Variants in PARD3B observed in about 807,000 individuals in gnomAD.
The protein encoded by PARD3B is partitioning defective 3 homolog B.
In PARD3B, 103 loss-of-function variants were observed where a neutral mutation model predicts 130.2. The observed-to-expected ratio is 0.79, with a 90% CI of 0.67 to 0.93. The LOEUF (loss-of-function observed/expected upper bound fraction) is 0.93. PARD3B is among the 40% of genes least tolerant of loss of function. The pLI is 0.00. For synonymous variants in PARD3B, 583 were observed against 553.2 expected (o/e 1.05, Z -0.76); for missense variants, 1,609 against 1,499.2 (o/e 1.07, Z -1.21).
intron 5 of PARD3B, among the ~76,000 whole-genome samples, chr2:205,110,558 A>G (rs540646708): frequency 1.3e-5 from 2 of 152,024 alleles, no homozygotes; most frequent in African/African-American, 4.8e-5. Flanking sequence ...TGATCTTAGT[A>G]AAATTTTCCC....
At chr2:205,512,032 A>T (rs2050607206) in intron 21 of PARD3B, among the ~76,000 whole-genome samples, 1 of 152,214 alleles carries the variant, frequency 6.6e-6, no homozygotes, top group South Asian at 2.1e-4. Flanking sequence ...CTTACCTCTG[A>T]AAGGAAGACA....
chr2:205,392,047 GCTTTA>G (rs1052918868), intron 18 of PARD3B, among the ~76,000 whole-genome samples: 9 of 152,086 alleles, frequency 5.9e-5, no homozygotes, highest in South Asian at 2.1e-4. Flanking sequence ...GGTGATCTGT[GCTTTA>G]CTTTACTTTC....
intron 3 of PARD3B, among the ~76,000 whole-genome samples, chr2:205,032,756 T>A (rs190301995): frequency 6.6e-4 from 101 of 152,300 alleles, no homozygotes; most frequent in African/African-American, 2.3e-3. Context: ...CTTTTTAGTG[T>A]TCTTAGAGAT....
chr2:204,799,198 C>T lies in PARD3B; in HGVS notation c.222+112916C>T, dbSNP rs1176318466. On this transcript the variant is annotated intron_variant, in intron 2 of 22. Coordinates refer to ENST00000406610, the MANE Select transcript of PARD3B (RefSeq NM_001302769.2). The surrounding 1 kb of genome is among the most constrained non-coding windows in gnomAD (Gnocchi z 4.1). ...TTCACCACAAGCTGCCTGAAAAGCC[C>T]ATGGGCCTCGAGGGAACATCTGCAG... Among the ~76,000 whole-genome samples, 1 of 152,012 alleles carries T rather than the reference C, an allele frequency of 6.6e-6. No individual in the cohort carries two copies. Among genetic ancestry groups the T allele is most frequent in the Non-Finnish European group, 1.5e-5 (1 of 67,996 alleles).
intron 18 of PARD3B, among the ~76,000 whole-genome samples, chr2:205,334,056 T>C (rs79086275): frequency 2.0e-5 from 3 of 152,290 alleles, no homozygotes; most frequent in Non-Finnish European, 4.4e-5. Flanking sequence ...GCAACAGTGA[T>C]TGGAGAATGA....
At chr2:205,064,923 C>T (rs958380329) in intron 4 of PARD3B, among the ~76,000 whole-genome samples, 8 of 152,156 alleles carry the variant, frequency 5.3e-5, no homozygotes, top group African/African-American at 1.9e-4. Context: ...CCCCTTCCCT[C>T]AGAAACACCA....
chr2:205,344,926 C>T (rs1456646036), intron 18 of PARD3B, among the ~76,000 whole-genome samples: 1 of 152,096 alleles, frequency 6.6e-6, no homozygotes, highest in Non-Finnish European at 1.5e-5. Context: ...TTAACTCTTC[C>T]TCCCCCTTCA....
chr2:204,966,177 C>A (rs1390846305), intron 3 of PARD3B, among the ~76,000 whole-genome samples: 1 of 152,172 alleles, frequency 6.6e-6, no homozygotes, highest in Non-Finnish European at 1.5e-5. Context: ...GTACATAGTA[C>A]TCATTTTCCC....
intron 21 of PARD3B, among the ~76,000 whole-genome samples, chr2:205,505,149 C>T (rs745967925): frequency 6.6e-6 from 1 of 151,376 alleles, no homozygotes; most frequent in Non-Finnish European, 1.5e-5. Flanking sequence ...GACAGAAAAC[C>T]AAACACCGCA....
At chr2:204,680,460 G>A (rs1384767100) in intron 1 of PARD3B, among the ~76,000 whole-genome samples, 1 of 151,816 alleles carries the variant, frequency 6.6e-6, no homozygotes, top group Non-Finnish European at 1.5e-5. Context: ...TTTCTTGATT[G>A]GTTCTGCTAT....
rs1696097908 is a variant in PARD3B, at chr2:205,015,733, T to G, written c.395-31848T>G. Among the ~76,000 whole-genome samples the G allele has an allele frequency of 6.6e-6, 1 of 152,236 alleles. No homozygotes were observed. Among genetic ancestry groups the G allele is most frequent in the Non-Finnish European group, 1.5e-5 (1 of 68,040 alleles). ...ATCTTGTGCAGTGGGGTTTCTTTCTTACTTAGTTTTGAACAATTGGCCCTA... is the reference window on the plus strand; with the variant it reads ...ATCTTGTGCAGTGGGGTTTCTTTCTGACTTAGTTTTGAACAATTGGCCCTA... On this transcript the variant is annotated intron_variant, in intron 3 of 22. Transcript: ENST00000406610. The surrounding 1 kb of genome is among the most constrained non-coding windows in gnomAD (Gnocchi z 4.5).
intron 4 of PARD3B, among the ~76,000 whole-genome samples, chr2:205,082,529 C>T (rs900576952): frequency 4.6e-5 from 7 of 152,184 alleles, no homozygotes; most frequent in African/African-American, 1.4e-4. Flanking sequence ...AAACTGATAA[C>T]GCAGAAAGCA....
At chr2:204,616,331 CA>C (rs1413024309) in intron 1 of PARD3B, among the ~76,000 whole-genome samples, 10 of 152,228 alleles carry the variant, frequency 6.6e-5, no homozygotes, top group African/African-American at 2.4e-4. Flanking sequence ...GACACCTCAA[CA>C]AAGAGGTACA....
intron 22 of PARD3B, 93 bp downstream of exon 22, chr2:205,553,496 G>A (rs1056416204): frequency 7.7e-7 from 1 of 1,295,330 alleles, no homozygotes; most frequent in Non-Finnish European, 1.1e-6. Flanking sequence ...CTTTGAAATA[G>A]GGAATATGTT....
In PARD3B at chr2:204,894,775, G is replaced by GT. The variant is rs1032370240; in HGVS notation, c.223-70371dup. Among the ~76,000 whole-genome samples, 8 of 152,016 alleles carry GT rather than the reference G, an allele frequency of 5.3e-5. No individual in the cohort carries two copies. In the East Asian group the frequency reaches 1.5e-3, roughly 29 times the overall value. On this transcript the variant is annotated intron_variant, in intron 2 of 22. Coordinates refer to ENST00000406610, the MANE Select transcript of PARD3B (RefSeq NM_001302769.2). ...CATGAAAATTAAATTTCTTGGGTTT[G>GT]TTTTTTCAAAGTTTTAAAATATATG...
At chr2:205,156,384 C>T (rs1376195732) in intron 10 of PARD3B, among the ~76,000 whole-genome samples, 1 of 150,308 alleles carries the variant, frequency 6.7e-6, no homozygotes, top group Non-Finnish European at 1.5e-5. Flanking sequence ...GCACATTGTG[C>T]ACATGTACCC....
At position 205,128,787 on chromosome 2, in the gene PARD3B, A is replaced by G. The variant is rs1285464830; in HGVS notation, c.1434+3050A>G. On this transcript the variant is annotated intron_variant, in intron 10 of 22. Coordinates refer to ENST00000406610, the MANE Select transcript of PARD3B (RefSeq NM_001302769.2). This position sits in a 1 kb window ranked among gnomAD's most constrained non-coding sequence, Gnocchi z 4.5. ...GCAGCCTTGCCTGGGACTAACCACTATTTTTGAACAATGATTGTTTTATTT... is the reference window on the plus strand; with the variant it reads ...GCAGCCTTGCCTGGGACTAACCACTGTTTTTGAACAATGATTGTTTTATTT... 6.6e-6 allele frequency among the ~76,000 whole-genome samples: 1 copy of G among 152,126 alleles called. No individual in the cohort carries two copies. Among genetic ancestry groups the G allele is most frequent in the South Asian group, 2.1e-4 (1 of 4,828 alleles).
At position 205,179,969 on chromosome 2, in the gene PARD3B, T is replaced by C. The variant is rs546669471; in HGVS notation, c.1924+3392T>C. 3.3e-5 allele frequency among the ~76,000 whole-genome samples: 5 copies of C among 152,218 alleles called. No homozygotes were observed. The East Asian group carries it at 9.6e-4, about 29-fold the overall frequency. On this transcript the variant is annotated intron_variant, in intron 13 of 22. Coordinates refer to ENST00000406610, the MANE Select transcript of PARD3B (RefSeq NM_001302769.2). ...TATATCTTCTGTACAAATAGAGTCCTTTGGGCACAAGTGGCCTCAGACAAC... is the reference window on the plus strand; with the variant it reads ...TATATCTTCTGTACAAATAGAGTCCCTTGGGCACAAGTGGCCTCAGACAAC...
intron 20 of PARD3B, among the ~76,000 whole-genome samples, chr2:205,494,351 T>A (rs1211133064): frequency 6.6e-6 from 1 of 152,148 alleles, no homozygotes; most frequent in African/African-American, 2.4e-5. Flanking sequence ...ACCACCTCCC[T>A]CTCATTCAGT....
Sources: allele counts gnomAD v4.1 joint callset (sites outside exome capture counted in the v4.1 genomes callset), GRCh38; gene constraint gnomAD v4.1.1; non-coding constraint Gnocchi (gnomAD v3.1); transcripts MANE v1.5; gene names NCBI Gene and HGNC (gene_info 2026-07-23, HGNC 2026-07-21).